HEMK2: variants seen among roughly 807,000 people sequenced by gnomAD.
HEMK2 encodes the protein HemK methyltransferase 2, ETF1 glutamine and histone H4 lysine.
the HEMK2 span, among the ~76,000 whole-genome samples, chr21:28,612,602 G>T: frequency 6.6e-6 from 1 of 152,106 alleles, no homozygotes; most frequent in African/African-American, 2.4e-5. Flanking sequence ...ACAAGAGAAA[G>T]AAATAAAGGG....
chr21:28,797,785 G>A, the HEMK2 span, among the ~76,000 whole-genome samples: 1 of 152,190 alleles, frequency 6.6e-6, no homozygotes, highest in African/African-American at 2.4e-5. Flanking sequence ...GAAGATGACA[G>A]TTGGAAGATT....
the HEMK2 span, among the ~76,000 whole-genome samples, chr21:28,840,315 C>A: frequency 1.3e-5 from 2 of 152,152 alleles, no homozygotes; most frequent in African/African-American, 4.8e-5. Flanking sequence ...GCAAGGATTT[C>A]ATAACCAAGA....
chr21:28,851,289 C>A, the HEMK2 span, among the ~76,000 whole-genome samples: 1 of 152,176 alleles, frequency 6.6e-6, no homozygotes, highest in Non-Finnish European at 1.5e-5. Context: ...ACCTCAAGCA[C>A]CATTGGATCT....
the HEMK2 span, chr21:28,882,881 G>C: frequency 1.4e-6 from 1 of 711,380 alleles, no homozygotes; most frequent in African/African-American, 1.9e-5. Flanking sequence ...TTTTTGCTAT[G>C]CTTAAATACT....
chr21:28,831,025 T>C, the HEMK2 span, among the ~76,000 whole-genome samples: 1 of 152,174 alleles, frequency 6.6e-6, no homozygotes, highest in African/African-American at 2.4e-5. Flanking sequence ...TTCCACTTTG[T>C]AGATTTATGA....
At chr21:28,776,299 T>A in the HEMK2 span, among the ~76,000 whole-genome samples, 3 of 152,228 alleles carry the variant, frequency 2.0e-5, no homozygotes, top group Non-Finnish European at 2.9e-5. Flanking sequence ...AGTCAAGACA[T>A]CTTTTAACAT....
the HEMK2 span, among the ~76,000 whole-genome samples, chr21:28,864,917 G>GATAGATAGATAGATAA: frequency 6.6e-6 from 1 of 151,574 alleles, no homozygotes; most frequent in South Asian, 2.1e-4. Context: ...AGATGATATA[G>GATAGATAGATAGATAA]ATAGATAGAC....
the HEMK2 span, among the ~76,000 whole-genome samples, chr21:28,841,286 ATATATAT>A: frequency 4.6e-3 from 35 of 7,530 alleles, 2 homozygotes; most frequent in Non-Finnish European, 5.4e-3. Flanking sequence ...ATTATATATA[ATATATAT>A]TATATATTAT....
chr21:28,594,502 T>A, the HEMK2 span, among the ~76,000 whole-genome samples: 1 of 152,158 alleles, frequency 6.6e-6, no homozygotes. Flanking sequence ...AAATAAAAAA[T>A]TAATTTTTAT....
At chr21:28,647,083 T>C in the HEMK2 span, among the ~76,000 whole-genome samples, 1 of 152,140 alleles carries the variant, frequency 6.6e-6, no homozygotes, top group Non-Finnish European at 1.5e-5. Flanking sequence ...CTCTGAAATA[T>C]GGTACAGAGA....
At chr21:28,807,920 C>T in the HEMK2 span, among the ~76,000 whole-genome samples, 5 of 152,114 alleles carry the variant, frequency 3.3e-5, no homozygotes, top group Non-Finnish European at 7.4e-5. Context: ...TTCTTAATTA[C>T]AGGAGGTGAT....
chr21:28,610,888 A>G, the HEMK2 span, among the ~76,000 whole-genome samples: 1 of 152,204 alleles, frequency 6.6e-6, no homozygotes, highest in African/African-American at 2.4e-5. Flanking sequence ...TGGAGCTCCC[A>G]AAGTTATAAA....
the HEMK2 span, among the ~76,000 whole-genome samples, chr21:28,684,043 T>A: frequency 6.6e-6 from 1 of 152,226 alleles, no homozygotes; most frequent in East Asian, 1.9e-4. Flanking sequence ...CATCTTAAAC[T>A]ATTAAACTCT....
the HEMK2 span, among the ~76,000 whole-genome samples, chr21:28,613,232 CCA>C: frequency 2.9e-3 from 447 of 151,998 alleles, 4 homozygotes; most frequent in African/African-American, 0.01. Flanking sequence ...AGCACAGAAA[CCA>C]CAGAGTGGCT....
the HEMK2 span, among the ~76,000 whole-genome samples, chr21:28,788,624 C>A: frequency 6.6e-6 from 1 of 151,114 alleles, no homozygotes; most frequent in African/African-American, 2.4e-5. Flanking sequence ...ATCATCACTA[C>A]CAAGAACTTA....
At chr21:28,673,024 AAG>A in the HEMK2 span, among the ~76,000 whole-genome samples, 1 of 142,040 alleles carries the variant, frequency 7.0e-6, no homozygotes, top group Admixed American at 7.2e-5. Flanking sequence ...GAAAGAAAGA[AAG>A]AGAAAGGAGA....
chr21:28,676,700 C>G, the HEMK2 span, among the ~76,000 whole-genome samples: 4 of 152,214 alleles, frequency 2.6e-5, no homozygotes, highest in African/African-American at 9.6e-5. Context: ...ATCTGTGAGG[C>G]AGGAAGCACA....
chr21:28,787,700 A>G, the HEMK2 span, among the ~76,000 whole-genome samples: 1 of 152,196 alleles, frequency 6.6e-6, no homozygotes, highest in East Asian at 1.9e-4. Flanking sequence ...TCAAAAAATG[A>G]AAAAACAGTA....
At chr21:28,596,373 A>G in the HEMK2 span, among the ~76,000 whole-genome samples, 2 of 152,158 alleles carry the variant, frequency 1.3e-5, no homozygotes, top group African/African-American at 4.8e-5. Context: ...AAATTAGGCA[A>G]ATCTTTCTCA....
Sources: allele counts gnomAD v4.1 joint callset (sites outside exome capture counted in the v4.1 genomes callset), GRCh38; gene constraint gnomAD v4.1.1; transcripts MANE v1.5; gene names NCBI Gene and HGNC (gene_info 2026-07-23, HGNC 2026-07-21).